SPANXN4: variants seen among roughly 807,000 people sequenced by gnomAD.
The protein encoded by SPANXN4 is SPANX family member N4, also known as sperm protein associated with the nucleus on the X chromosome N4.
A neutral mutation model predicts 6.0 loss-of-function variants in SPANXN4; 5 were observed. That is an observed-to-expected ratio of 0.83 (90% CI 0.44 to 1.75). The LOEUF (loss-of-function observed/expected upper bound fraction) is 1.75, where lower values mean the gene tolerates loss of function less well. Ranked by LOEUF, SPANXN4 falls within the 40% of genes most tolerant of loss-of-function variation. SPANXN4 has a pLI of 0.02. For missense variants in SPANXN4, 157 were observed against 108.6 expected (o/e 1.45, Z -1.98); for synonymous variants, 45 against 38.0 (o/e 1.19, Z -0.68).
chrX:143,033,577 C>T (rs1217892486), intron 1 of SPANXN4, among the ~76,000 whole-genome samples: 2 of 111,486 alleles, frequency 1.8e-5, no homozygotes. Flanking sequence ...GTATGGGATG[C>T]TGCCTGGCAG....
At chrX:143,034,752 A>G, downstream of SPANXN4, 1 of 1,077,876 alleles carries the variant, frequency 9.3e-7, no homozygotes. Flanking sequence ...AGCATGCCAC[A>G]CACAATAAAA....
chrX:143,037,289 C>T (rs897001807), downstream of SPANXN4, among the ~76,000 whole-genome samples: 24 of 111,543 alleles, frequency 2.2e-4, no homozygotes, highest in Non-Finnish European at 4.1e-4. Context: ...CCAGAACCTA[C>T]ACACTTCACA....
At chrX:143,026,474 C>G (rs771622792) in intron 1 of SPANXN4, among the ~76,000 whole-genome samples, 6 of 111,679 alleles carry the variant, frequency 5.4e-5, no homozygotes, top group African/African-American at 2.0e-4. Flanking sequence ...ACGGCCAGAA[C>G]TCCCGTGGAA....
At chrX:143,032,391 G>A (rs1932815408) in intron 1 of SPANXN4, among the ~76,000 whole-genome samples, 2 of 110,176 alleles carry the variant, frequency 1.8e-5, no homozygotes, top group South Asian at 4.0e-4. Flanking sequence ...GGTGGAGAAC[G>A]AAGAGGGGAT....
downstream of SPANXN4, among the ~76,000 whole-genome samples, chrX:143,034,867 T>A (rs933470402): frequency 1.5e-4 from 17 of 110,542 alleles, no homozygotes; most frequent in African/African-American, 4.6e-4. Flanking sequence ...GGCCTGTGTC[T>A]ACTGCAGGCA....
downstream of SPANXN4, among the ~76,000 whole-genome samples, chrX:143,036,456 G>A (rs986613853): frequency 9.0e-6 from 1 of 111,400 alleles, no homozygotes; most frequent in Admixed American, 9.5e-5. Flanking sequence ...TAATTCCCAA[G>A]TATACTCTGG....
At chrX:143,030,299 A>T (rs1267899224) in intron 1 of SPANXN4, among the ~76,000 whole-genome samples, 1 of 111,296 alleles carries the variant, frequency 9.0e-6, no homozygotes, top group Non-Finnish European at 1.9e-5. Context: ...GGAGAAACGC[A>T]AGGTAAGTAA....
At chrX:143,027,590 A>ATTATAAACAGGTT (rs1932785739) in intron 1 of SPANXN4, among the ~76,000 whole-genome samples, 1 of 111,649 alleles carries the variant, frequency 9.0e-6, no homozygotes, top group Non-Finnish European at 1.9e-5. Context: ...GCTGAGCAAG[A>ATTATAAACAGGTT]TTATAAACAG....
At chrX:143,027,588 A>G (rs908119283) in intron 1 of SPANXN4, among the ~76,000 whole-genome samples, 1 of 111,630 alleles carries the variant, frequency 9.0e-6, no homozygotes, top group Non-Finnish European at 1.9e-5. Context: ...TAGCTGAGCA[A>G]GATTATAAAC....
downstream of SPANXN4, among the ~76,000 whole-genome samples, chrX:143,036,871 C>T (rs2124373412): frequency 9.0e-6 from 1 of 111,484 alleles, no homozygotes; most frequent in African/African-American, 3.3e-5. Context: ...TGAACACAGA[C>T]TTTATCTCTA....
At chrX:143,026,988 T>C (rs754434239) in intron 1 of SPANXN4, among the ~76,000 whole-genome samples, 2 of 111,718 alleles carry the variant, frequency 1.8e-5, no homozygotes, top group African/African-American at 6.5e-5. Flanking sequence ...CCGGATGGTC[T>C]GCTTGTGAGG....
At chrX:143,027,553 C>T (rs954706872) in intron 1 of SPANXN4, among the ~76,000 whole-genome samples, 3 of 111,169 alleles carry the variant, frequency 2.7e-5, no homozygotes, top group Non-Finnish European at 5.7e-5. Flanking sequence ...GTGGGTGGAT[C>T]TGATAGACTG....
At chrX:143,026,241 A>T in intron 1 of SPANXN4, 149 bp downstream of exon 1, 1 of 473,826 alleles carries the variant, frequency 2.1e-6, no homozygotes, top group Middle Eastern at 6.3e-4. Flanking sequence ...CATACAGGCC[A>T]GCGTACTTAT....
At chrX:143,027,760 A>G (rs371670809) in intron 1 of SPANXN4, among the ~76,000 whole-genome samples, 18 of 108,725 alleles carry the variant, frequency 1.7e-4, no homozygotes, top group Admixed American at 1.5e-3. Context: ...CTGATTTAAG[A>G]GGCAATGTGT....
In SPANXN4 at chrX:143,034,414, G is replaced by A. The variant is rs1162487017; in HGVS notation, c.284-95G>A. On this transcript the variant is annotated intron_variant, in intron 2 of 2. Coordinates refer to ENST00000370504, the Ensembl canonical transcript of SPANXN4. ...GGATATGAGATCCTGTAGCATTGGC[G>A]GACAGATCCACAGGTTAGCCAGACA... 34 of 1,078,529 alleles carry A rather than the reference G, an allele frequency of 3.2e-5. No homozygotes were observed. In the South Asian group the frequency reaches 5.6e-4, roughly 18 times the overall value. The allele number at this position is 1,078,529 out of a possible 1,213,427, so 88.9% of individuals were successfully genotyped here. A position where few individuals can be genotyped will look rare whatever the true frequency, so the allele number is the denominator to read the frequency against.
At chrX:143,034,849 C>G (rs1932835567), downstream of SPANXN4, 1 of 773,771 alleles carries the variant, frequency 1.3e-6, no homozygotes, top group Admixed American at 4.8e-5. Context: ...GTGTGGGGCA[C>G]TGGGAGTGGC....
intron 1 of SPANXN4, among the ~76,000 whole-genome samples, chrX:143,030,673 G>A (rs1025981379): frequency 3.6e-5 from 4 of 111,271 alleles, no homozygotes; most frequent in Non-Finnish European, 7.5e-5. Context: ...TCAGAGAAGT[G>A]TATGGTAGAT....
intron 1 of SPANXN4, among the ~76,000 whole-genome samples, chrX:143,032,487 T>A (rs1027022757): frequency 3.8e-4 from 41 of 109,271 alleles, no homozygotes; most frequent in African/African-American, 1.4e-3. Context: ...GAGATAGGGG[T>A]TTTTTTAACC....
At chrX:143,037,875 A>G (rs1932851208), downstream of SPANXN4, among the ~76,000 whole-genome samples, 1 of 110,779 alleles carries the variant, frequency 9.0e-6, no homozygotes, top group Non-Finnish European at 1.9e-5. Flanking sequence ...TTCTCCTTCC[A>G]TCATAATTCT....
Sources: allele counts gnomAD v4.1 joint callset (sites outside exome capture counted in the v4.1 genomes callset), GRCh38; gene constraint gnomAD v4.1.1; transcripts MANE v1.5; gene names NCBI Gene and HGNC (gene_info 2026-07-23, HGNC 2026-07-21).